DCC: variants seen among roughly 807,000 people sequenced by gnomAD.
DCC encodes the protein netrin receptor DCC.
DCC carries 58 observed loss-of-function variants against 172.5 expected under a neutral mutation model. That is an observed-to-expected ratio of 0.34 (90% CI 0.27 to 0.42). DCC has a LOEUF of 0.42. DCC is among the 10% of genes least tolerant of loss of function. DCC has a pLI of 1.00. For missense variants in DCC, 1,740 were observed against 1,791.0 expected, an observed-to-expected ratio of 0.97 and a Z score of 0.51; for synonymous variants, 709 against 644.5, an observed-to-expected ratio of 1.10 and a Z score of -1.52.
chr18:52,757,616 C>T (rs1174134530), intron 2 of DCC, among the ~76,000 whole-genome samples: 2 of 151,954 alleles, frequency 1.3e-5, no homozygotes, highest in East Asian at 3.9e-4. Context: ...GGACAGGCTC[C>T]TCCAAGGGTA....
At chr18:52,362,345 A>G (rs1984654532) in intron 1 of DCC, among the ~76,000 whole-genome samples, 1 of 152,228 alleles carries the variant, frequency 6.6e-6, no homozygotes, top group African/African-American at 2.4e-5. Context: ...CTTACTTGAT[A>G]AACAGTCAAC....
chr18:53,369,691 A>G (rs2058040619), intron 15 of DCC, among the ~76,000 whole-genome samples: 1 of 151,828 alleles, frequency 6.6e-6, no homozygotes, highest in African/African-American at 2.4e-5. Context: ...AAGGGTGTTG[A>G]ATTTTGTCAA....
chr18:53,297,975 G>T (rs1023333983), intron 12 of DCC, among the ~76,000 whole-genome samples: 5 of 152,076 alleles, frequency 3.3e-5, no homozygotes, highest in African/African-American at 1.2e-4. Context: ...CATTCAGGGG[G>T]TTTCACTCCT....
intron 2 of DCC, among the ~76,000 whole-genome samples, chr18:52,885,079 A>G (rs1288431042): frequency 6.6e-6 from 1 of 152,114 alleles, no homozygotes; most frequent in East Asian, 1.9e-4. Context: ...TGTGGCTACC[A>G]CCACTAGGAA....
chr18:52,484,865 C>A (rs940598410), intron 1 of DCC, among the ~76,000 whole-genome samples: 2 of 151,442 alleles, frequency 1.3e-5, no homozygotes, highest in Admixed American at 6.6e-5. Flanking sequence ...TCTCTCCAGT[C>A]ACAGAAGGAC....
At chr18:53,510,495 C>T (rs189802614) in intron 27 of DCC, among the ~76,000 whole-genome samples, 5 of 151,924 alleles carry the variant, frequency 3.3e-5, no homozygotes, top group South Asian at 2.1e-4. Flanking sequence ...ATAAAAATGC[C>T]GTAAGTCAAA....
intron 18 of DCC, among the ~76,000 whole-genome samples, chr18:53,400,869 T>C (rs1322382914): frequency 6.6e-6 from 1 of 152,140 alleles, no homozygotes; most frequent in African/African-American, 2.4e-5. Context: ...TCATCCTCAT[T>C]TGACTATTTT....
intron 5 of DCC, among the ~76,000 whole-genome samples, chr18:53,032,783 G>A (rs916384695): frequency 6.6e-6 from 1 of 152,078 alleles, no homozygotes; most frequent in South Asian, 2.1e-4. Context: ...GCAGAGTTTG[G>A]AGCCCTGTAG....
intron 1 of DCC, among the ~76,000 whole-genome samples, chr18:52,596,712 A>G (rs182350622): frequency 2.0e-5 from 3 of 152,338 alleles, no homozygotes; most frequent in South Asian, 2.1e-4. Flanking sequence ...ACAAGTCCCA[A>G]TCCTCTACCA....
intron 1 of DCC, among the ~76,000 whole-genome samples, chr18:52,708,854 G>A (rs2036252101): frequency 6.6e-6 from 1 of 152,152 alleles, no homozygotes; most frequent in Non-Finnish European, 1.5e-5. Flanking sequence ...AAAGAAAAAG[G>A]ATCCTGGGTT....
chr18:52,935,887 G>C (rs182363561), intron 5 of DCC, among the ~76,000 whole-genome samples: 1 of 151,928 alleles, frequency 6.6e-6, no homozygotes, highest in Non-Finnish European at 1.5e-5. Flanking sequence ...CTCTGCCTAC[G>C]TAGCAGTCCT....
intron 1 of DCC, among the ~76,000 whole-genome samples, chr18:52,498,874 A>G (rs2030907543): frequency 6.6e-6 from 1 of 152,120 alleles, no homozygotes; most frequent in Non-Finnish European, 1.5e-5. Context: ...ACCTTATTTA[A>G]CCTTAATTAC....
In DCC at chr18:52,853,587, G is replaced by A. The variant is rs553405170; in HGVS notation, c.413-52457G>A. On this transcript the variant is annotated intron_variant, in intron 2 of 28. Transcript: ENST00000442544. ...GGGAGGTCTCCAATGATGCTGTCAC[G>A]ATTTCTCTGTTCTCTGTTTACCTCC... 9.2e-5 allele frequency among the ~76,000 whole-genome samples: 14 copies of A among 152,276 alleles called. No individual in the cohort carries two copies. In the South Asian group the frequency reaches 2.1e-3, roughly 23 times the overall value.
At chr18:52,973,102 G>T (rs1431452061) in intron 5 of DCC, among the ~76,000 whole-genome samples, 1 of 152,172 alleles carries the variant, frequency 6.6e-6, no homozygotes. Context: ...TTCAATCAAT[G>T]TTTGTTGAAT....
chr18:52,648,629 T>C (rs369562437), intron 1 of DCC, among the ~76,000 whole-genome samples: 65 of 152,312 alleles, frequency 4.3e-4, no homozygotes, highest in African/African-American at 1.6e-3. Flanking sequence ...ATCACAAGCG[T>C]CTTTTCACAC....
chr18:53,242,477 T>C (rs2144640453), intron 12 of DCC, among the ~76,000 whole-genome samples: 1 of 152,156 alleles, frequency 6.6e-6, no homozygotes, highest in East Asian at 1.9e-4. Context: ...GGGGTAAATA[T>C]ACAAAATGAC....
chr18:53,085,546 C>A (rs1000838227), intron 7 of DCC, among the ~76,000 whole-genome samples: 2 of 152,006 alleles, frequency 1.3e-5, no homozygotes, highest in African/African-American at 4.8e-5. Context: ...CTTAAAAATC[C>A]TACAGGGTAT....
At chr18:53,196,451 T>G (rs1307395518) in intron 9 of DCC, among the ~76,000 whole-genome samples, 1 of 152,338 alleles carries the variant, frequency 6.6e-6, no homozygotes, top group Non-Finnish European at 1.5e-5. Flanking sequence ...ATCTGAGCTG[T>G]CTTCCTGAAA....
chr18:52,967,108 G>T (rs2040945761), intron 5 of DCC, among the ~76,000 whole-genome samples: 1 of 152,144 alleles, frequency 6.6e-6, no homozygotes. Context: ...TCCCAGTCCA[G>T]TATCCCATGT....
Sources: allele counts gnomAD v4.1 joint callset (sites outside exome capture counted in the v4.1 genomes callset), GRCh38; gene constraint gnomAD v4.1.1; transcripts MANE v1.5; gene names NCBI Gene and HGNC (gene_info 2026-07-23, HGNC 2026-07-21).